Variants in ZNF432 observed in about 807,000 individuals in gnomAD.
The protein encoded by ZNF432 is zinc finger protein 432.
A neutral mutation model predicts 13.9 loss-of-function variants in ZNF432; 10 were observed. The ratio of observed to expected loss-of-function variants is 0.72; its 90% confidence interval spans 0.44 to 1.22. The LOEUF (loss-of-function observed/expected upper bound fraction) is 1.22, where lower values mean the gene tolerates loss of function less well. Ranked by LOEUF, ZNF432 falls within the 50% of genes most tolerant of loss-of-function variation. The pLI is 0.00. For missense variants in ZNF432, 793 were observed against 796.2 expected, an observed-to-expected ratio of 1.00 and a Z score of 0.05; for synonymous variants, 247 against 256.2, an observed-to-expected ratio of 0.96 and a Z score of 0.34.
Position 52,034,989 on chromosome 19 carries a change from T to C in ZNF432, c.690A>G (p.Glu230=), listed in dbSNP as rs61749297. 72 of 1,613,776 alleles carry C rather than the reference T, an allele frequency of 4.5e-5. No homozygotes were observed. Among genetic ancestry groups the C allele is most frequent in the Admixed American group, 1.8e-4 (11 of 59,960 alleles). Residue 230 remains glutamate (E), a synonymous_variant, in exon 5 of 5, where the codon GAA becomes GAG. Transcript: ENST00000221315. ...CACACAAAGTACATCCATAAGGTTTTTCTCCTGTATGAACTCTCTCATGAT... is the reference window on the plus strand; with the variant it reads ...CACACAAAGTACATCCATAAGGTTTCTCTCCTGTATGAACTCTCTCATGAT... ...LTDHERVHTG[E]KPYGCTLCAK...
At position 52,032,758 on chromosome 19, in the gene ZNF432, T is replaced by A. The variant is rs533570278; in HGVS notation, c.*962A>T. The stretch of plus-strand genomic sequence containing the variant: ...GCATTATGTATCATTTTCATGAGAC[T>A]TTTTTACTTCATGAATTTCCTGATC... On this transcript the variant is annotated 3_prime_UTR_variant, in exon 5 of 5. Transcript: ENST00000221315. 1 of 152,288 alleles carries A rather than the reference T, an allele frequency of 6.6e-6. No homozygotes were observed. Among genetic ancestry groups the A allele is most frequent in the East Asian group, 1.9e-4 (1 of 5,184 alleles). The allele number at this position is 152,288 out of a possible 1,614,324, so 9.4% of individuals were successfully genotyped here.
chr19:52,045,001 A>G (rs1374022210), intron 2 of ZNF432, among the ~76,000 whole-genome samples: 1 of 152,220 alleles, frequency 6.6e-6, no homozygotes, highest in East Asian at 1.9e-4. Flanking sequence ...CACTAACGAT[A>G]GCTGGAAAAA....
Position 52,046,879 on chromosome 19 carries a change from TGTG to T in ZNF432, c.-14_-12del. On this transcript the variant is annotated 5_prime_UTR_variant, in exon 2 of 5. Coordinates refer to ENST00000221315, the MANE Select transcript of ZNF432 (RefSeq NM_014650.4). ...CTGGGCATTGATCATTTTCTTCTGT[TGTG>T]GGAAATGGCCAGCACCTGGGATACT... 1 of 1,613,258 alleles carries T rather than the reference TGTG, an allele frequency of 6.2e-7. No homozygotes were observed. The highest frequency in any genetic ancestry group is 1.1e-5 in the South Asian group (1 of 90,856).
In ZNF432 at chr19:52,034,275, C is replaced by T; in HGVS notation, c.1404G>A (p.Leu468=). Reference sequence around the variant, plus strand: ...GCTGATGTACAATCAGCCGACTCTTCAAGGGGAAGCCTTTCCCACATTCAC... The same window carrying T: ...GCTGATGTACAATCAGCCGACTCTTTAAGGGGAAGCCTTTCCCACATTCAC... ...TCSECGKGFP[L]KSRLIVHQRT... The change falls in exon 5 of 5, where the codon TTG becomes TTA. Residue 468 remains leucine (L), a synonymous_variant. Transcript: ENST00000221315. 1.2e-6 allele frequency: 2 copies of T among 1,613,932 alleles called. No individual in the cohort carries two copies. The highest frequency in any genetic ancestry group is 1.7e-6 in the Non-Finnish European group (2 of 1,179,882).
At chr19:52,041,121 A>T (rs10414772) in intron 3 of ZNF432, among the ~76,000 whole-genome samples, 1,945 of 152,168 alleles carry the variant, frequency 0.013, 34 homozygotes, top group African/African-American at 0.034. Flanking sequence ...ATAAATAAAT[A>T]AATTAATTAA....
At chr19:52,045,858 G>C (rs1024630699) in intron 2 of ZNF432, among the ~76,000 whole-genome samples, 3 of 151,366 alleles carry the variant, frequency 2.0e-5, no homozygotes, top group African/African-American at 4.8e-5. Flanking sequence ...AGCCAGGCAT[G>C]CAAGTGCACA....
Position 52,035,201 on chromosome 19 carries a change from C to T in ZNF432, c.478G>A (p.Gly160Arg), listed in dbSNP as rs748920900. 1 of 1,611,896 alleles carries T rather than the reference C, an allele frequency of 6.2e-7. No individual in the cohort carries two copies. The highest frequency in any genetic ancestry group is 8.5e-7 in the Non-Finnish European group (1 of 1,179,474). Residue 160 changes from glycine to arginine, a missense_variant, in exon 5 of 5, where the codon GGA (glycine) becomes AGA (arginine). Transcript: ENST00000221315. ...CEINNSTKFS[G>R]DGKSFLHGNY... The stretch of plus-strand genomic sequence containing the variant: ...CCATGAAGAAATGATTTCCCATCTC[C>T]ACTAAATTTAGTAGAGTTGTTAATT...
chr19:52,047,955 T>A (rs2087202746), intron 1 of ZNF432, among the ~76,000 whole-genome samples: 1 of 152,066 alleles, frequency 6.6e-6, no homozygotes, highest in African/African-American at 2.4e-5. Flanking sequence ...AGAAAGCCTA[T>A]TCATCCGCCC....
chr19:52,039,494 A>T (rs933694051), intron 4 of ZNF432, among the ~76,000 whole-genome samples: 1 of 152,192 alleles, frequency 6.6e-6, no homozygotes, highest in African/African-American at 2.4e-5. Context: ...CATATATTTC[A>T]TGATTCTATT....
Position 52,034,387 on chromosome 19 carries a change from C to T in ZNF432, c.1292G>A (p.Cys431Tyr), listed in dbSNP as rs764178081. The part of the protein sequence containing the change: ...RNHTVEKSYL[C>Y]SECGKGFTVK... ...AGTAAAACCTTTTCCACATTCACTA[C>T]ATAGATATGACTTCTCTACTGTATG... The change falls in exon 5 of 5, where the codon TGT (cysteine) becomes TAT (tyrosine). Residue 431 changes from cysteine to tyrosine, a missense_variant. Transcript: ENST00000221315. The T allele has an allele frequency of 6.2e-7, 1 of 1,613,930 alleles. No individual in the cohort carries two copies. The highest frequency in any genetic ancestry group is 8.5e-7 in the Non-Finnish European group (1 of 1,179,982).
chr19:52,034,993 C>T lies in ZNF432; in HGVS notation c.686G>A (p.Gly229Glu), dbSNP rs757600750. 1.9e-6 allele frequency: 3 copies of T among 1,613,952 alleles called. No homozygotes were observed. Among genetic ancestry groups the T allele is most frequent in the East Asian group, 2.2e-5 (1 of 44,862 alleles). The change falls in exon 5 of 5, where the codon GGA (glycine) becomes GAA (glutamate). Residue 229 changes from glycine to glutamate, a missense_variant. Coordinates refer to ENST00000221315, the MANE Select transcript of ZNF432 (RefSeq NM_014650.4). Reference protein sequence around the residue: ...QLTDHERVHTGEKPYGCTLCA... With the variant: ...QLTDHERVHTEEKPYGCTLCA... Reference sequence around the variant, plus strand: ...CAAAGTACATCCATAAGGTTTTTCTCCTGTATGAACTCTCTCATGATCAGT... The same window carrying T: ...CAAAGTACATCCATAAGGTTTTTCTTCTGTATGAACTCTCTCATGATCAGT...
At position 52,034,262 on chromosome 19, in the gene ZNF432, T is replaced by C. The variant is rs757003134; in HGVS notation, c.1417A>G (p.Ile473Val). The C allele has an allele frequency of 6.2e-7, 1 of 1,614,134 alleles. No homozygotes were observed. Among genetic ancestry groups the C allele is most frequent in the South Asian group, 1.1e-5 (1 of 91,086 alleles). Residue 473 changes from isoleucine (I) to valine (V), a missense_variant, in exon 5 of 5, where the codon ATT (isoleucine) becomes GTT (valine). By Grantham distance (29) the Ile-to-Val change is conservative. Transcript: ENST00000221315. ...GKGFPLKSRL[I>V]VHQRTHTGEK... ...CCAGTATGAGTTCGCTGATGTACAA[T>C]CAGCCGACTCTTCAAGGGGAAGCCT...
chr19:52,043,954 C>T (rs888970187), intron 2 of ZNF432, among the ~76,000 whole-genome samples: 9 of 152,134 alleles, frequency 5.9e-5, no homozygotes, highest in Non-Finnish European at 1.3e-4. Context: ...CAGAGGCTGG[C>T]GGGATCCTCC....
intron 4 of ZNF432, among the ~76,000 whole-genome samples, chr19:52,039,669 A>G (rs1295543759): frequency 6.7e-6 from 1 of 149,322 alleles, no homozygotes; most frequent in African/African-American, 2.5e-5. Flanking sequence ...CTGTCTCTAC[A>G]AAAACACAAA....
intron 2 of ZNF432, among the ~76,000 whole-genome samples, chr19:52,045,691 A>G (rs2087174698): frequency 6.7e-6 from 1 of 149,770 alleles, no homozygotes; most frequent in Non-Finnish European, 1.5e-5. Context: ...GTACTTCATC[A>G]TCAGAATTTA....
intron 4 of ZNF432, 78 bp from the exon 5 acceptor site, chr19:52,035,518 G>A: frequency 7.5e-6 from 9 of 1,199,762 alleles, no homozygotes; most frequent in Non-Finnish European, 1.0e-5. Context: ...AAAAATCCTT[G>A]GTGTTTTATT....
Sources: allele counts gnomAD v4.1 joint callset (sites outside exome capture counted in the v4.1 genomes callset), GRCh38; gene constraint gnomAD v4.1.1; transcripts MANE v1.5; gene names NCBI Gene and HGNC (gene_info 2026-07-23, HGNC 2026-07-21).